The following SCNN1B variants were observed in gnomAD, a reference collection of about 807,000 sequenced individuals.
The protein encoded by SCNN1B is sodium channel epithelial 1 subunit beta, also known as epithelial sodium channel subunit beta.
SCNN1B carries 46 observed loss-of-function variants against 65.3 expected under a neutral mutation model. That is an observed-to-expected ratio of 0.70 (90% CI 0.56 to 0.90). The LOEUF (loss-of-function observed/expected upper bound fraction) is 0.90. SCNN1B is among the 40% of genes least tolerant of loss of function. SCNN1B has a pLI of 0.00. For missense variants in SCNN1B, 751 were observed against 830.5 expected, an observed-to-expected ratio of 0.90 and a Z score of 1.18; for synonymous variants, 349 against 330.6, an observed-to-expected ratio of 1.06 and a Z score of -0.60.
chr16:23,333,156 A>AGGAG (rs1225367044), intron 1 of SCNN1B, among the ~76,000 whole-genome samples: 9 of 95,354 alleles, frequency 9.4e-5, no homozygotes, highest in African/African-American at 1.4e-4. Context: ...GAAAGAAGGA[A>AGGAG]GGAAGGAAGG....
chr16:23,345,528 T>A (rs1962168303), intron 1 of SCNN1B, among the ~76,000 whole-genome samples: 1 of 152,218 alleles, frequency 6.6e-6, no homozygotes, highest in Non-Finnish European at 1.5e-5. Context: ...CTGTATTGGC[T>A]TTATTCTCAG....
At chr16:23,316,381 C>A (rs1404671197) in intron 1 of SCNN1B, among the ~76,000 whole-genome samples, 3 of 145,204 alleles carry the variant, frequency 2.1e-5, no homozygotes, top group African/African-American at 8.5e-5. Context: ...TCACCATCCT[C>A]ACCATCATCA....
intron 1 of SCNN1B, among the ~76,000 whole-genome samples, chr16:23,323,376 G>C (rs1961627982): frequency 6.6e-6 from 1 of 152,156 alleles, no homozygotes; most frequent in South Asian, 2.1e-4. Context: ...GTGGTGGTGG[G>C]AATTCCCAGG....
At chr16:23,365,500 AAAAG>A (rs1266484520) in intron 4 of SCNN1B, among the ~76,000 whole-genome samples, 54 of 137,782 alleles carry the variant, frequency 3.9e-4, no homozygotes, top group East Asian at 1.2e-3. Context: ...AAAAGAAAGA[AAAAG>A]AAAGAAAGAA....
intron 1 of SCNN1B, among the ~76,000 whole-genome samples, chr16:23,346,200 CTTTTTTTTTTTTTTT>C (rs753802362): frequency 5.1e-5 from 4 of 78,014 alleles, no homozygotes; most frequent in Non-Finnish European, 4.5e-5. Context: ...TTTTCCTTTT[CTTTTTTTTTTTTTTT>C]TTTTTTTTTT....
upstream of SCNN1B, among the ~76,000 whole-genome samples, chr16:23,300,647 G>A (rs1378080734): frequency 6.6e-6 from 1 of 152,008 alleles, no homozygotes; most frequent in Non-Finnish European, 1.5e-5. Flanking sequence ...ACCAGCTTGG[G>A]TAACACAGCA....
At chr16:23,372,645 C>T (rs191050531) in intron 7 of SCNN1B, among the ~76,000 whole-genome samples, 2 of 151,816 alleles carry the variant, frequency 1.3e-5, no homozygotes, top group South Asian at 2.1e-4. Flanking sequence ...AGGTGCCCAC[C>T]GCTACACCGG....
intron 2 of SCNN1B, among the ~76,000 whole-genome samples, chr16:23,351,963 G>A (rs1962318936): frequency 6.6e-6 from 1 of 152,142 alleles, no homozygotes; most frequent in African/African-American, 2.4e-5. Flanking sequence ...CTTTATCAGT[G>A]GAGTGAGCTT....
At chr16:23,378,652 A>T in intron 10 of SCNN1B, 54 bp from the exon 11 acceptor site, 1 of 1,531,562 alleles carries the variant, frequency 6.5e-7, no homozygotes, top group Non-Finnish European at 9.1e-7. Flanking sequence ...CAGAGCCATG[A>T]CTGGGAGGGA....
intron 1 of SCNN1B, among the ~76,000 whole-genome samples, chr16:23,328,916 C>T (rs1961751608): frequency 6.6e-6 from 1 of 151,676 alleles, no homozygotes; most frequent in Admixed American, 6.6e-5. Flanking sequence ...CGACCTCAGC[C>T]TCCTGAGTTG....
At chr16:23,278,946 A>T (rs866378457) in intron 1 of SCNN1B, among the ~76,000 whole-genome samples, 2 of 152,062 alleles carry the variant, frequency 1.3e-5, no homozygotes, top group Non-Finnish European at 2.9e-5. Flanking sequence ...CCTCTAAAAA[A>T]ATAAAAAATG....
At chr16:23,317,713 C>T (rs752821235) in intron 1 of SCNN1B, among the ~76,000 whole-genome samples, 5 of 152,146 alleles carry the variant, frequency 3.3e-5, no homozygotes, top group Non-Finnish European at 5.9e-5. Flanking sequence ...GGCTCATCTC[C>T]CTTTTTGATG....
chr16:23,293,806 C>G (rs1960959608), intron 2 of SCNN1B, among the ~76,000 whole-genome samples: 1 of 151,926 alleles, frequency 6.6e-6, no homozygotes, highest in East Asian at 1.9e-4. Context: ...ACCTGTAGTC[C>G]CCAACTACTC....
At chr16:23,341,547 G>T (rs1962055051) in intron 1 of SCNN1B, among the ~76,000 whole-genome samples, 1 of 152,134 alleles carries the variant, frequency 6.6e-6, no homozygotes, top group Non-Finnish European at 1.5e-5. Flanking sequence ...GACAATGTTT[G>T]CAAGTCCTGT....
intron 1 of SCNN1B, among the ~76,000 whole-genome samples, chr16:23,326,627 G>A (rs996808383): frequency 1.3e-5 from 2 of 151,914 alleles, no homozygotes; most frequent in African/African-American, 2.4e-5. Context: ...ACCATGCCCA[G>A]CTAATTTTTT....
chr16:23,365,601 GAAAGAAAGAAAGAAAGAAA>G (rs140764636), intron 4 of SCNN1B, among the ~76,000 whole-genome samples: 1,411 of 100,142 alleles, frequency 0.014, 68 homozygotes, highest in East Asian at 0.025. Flanking sequence ...AAGAAAGAAA[GAAAGAAAGAAAGAAAGAAA>G]AAAGAAAGAA....
rs181185017 is a variant in SCNN1B, at chr16:23,375,113, C to G, written c.1153-625C>G. Among the ~76,000 whole-genome samples, 23 of 152,236 alleles carry G rather than the reference C, an allele frequency of 1.5e-4. No individual in the cohort carries two copies. The South Asian group carries it at 4.8e-3, about 32-fold the overall frequency. ...ACCTGAAAGCCCAGTATGTTGGGGC[C>G]GAGTGAGTGGAGACTCATCACGTCC... is the stretch of plus-strand genomic sequence containing the variant. On this transcript the variant is annotated intron_variant, in intron 7 of 12. Transcript: ENST00000343070.
chr16:23,376,711 A>G (rs759231465), intron 8 of SCNN1B, among the ~76,000 whole-genome samples: 26 of 150,106 alleles, frequency 1.7e-4, no homozygotes, highest in Non-Finnish European at 1.3e-4. Context: ...GGAGTTCGAG[A>G]CCAGCCTGGC....
intron 7 of SCNN1B, among the ~76,000 whole-genome samples, chr16:23,374,268 GAAAAAAAAAAA>G (rs1223701346): frequency 1.7e-5 from 1 of 60,442 alleles, no homozygotes; most frequent in Non-Finnish European, 3.2e-5. Flanking sequence ...CCTGTCTCAG[GAAAAAAAAAAA>G]AAAAAAAAAA....
Sources: gnomAD v4.1 joint callset for allele counts (sites outside exome capture counted in the v4.1 genomes callset) on GRCh38, gnomAD v4.1.1 for gene constraint, MANE v1.5 for transcripts, NCBI Gene and HGNC (gene_info 2026-07-23, HGNC 2026-07-21) for gene names.